The following GRM8 variants were observed in gnomAD, a reference collection of about 807,000 sequenced individuals.
The protein encoded by GRM8 is glutamate metabotropic receptor 8.
In GRM8, 47 loss-of-function variants were observed where a neutral mutation model predicts 87.2. The ratio of observed to expected loss-of-function variants is 0.54; its 90% CI spans 0.43 to 0.69. The LOEUF (loss-of-function observed/expected upper bound fraction) is 0.69. Among genes scored for constraint, GRM8 ranks in the 30% least tolerant of loss-of-function variants. The pLI is 0.00. For synonymous variants in GRM8, 396 were observed against 404.5 expected, an observed-to-expected ratio of 0.98 and a Z score of 0.25; for missense variants, 1,019 against 1,139.2, an observed-to-expected ratio of 0.89 and a Z score of 1.52.
At chr7:126,734,633 A>G (rs1263586739) in intron 7 of GRM8, among the ~76,000 whole-genome samples, 1 of 151,932 alleles carries the variant, frequency 6.6e-6, no homozygotes, top group African/African-American at 2.4e-5. Context: ...CATAACTTAC[A>G]ACACAAAATG....
intron 7 of GRM8, among the ~76,000 whole-genome samples, chr7:126,749,370 G>GA (rs370817590): frequency 1.3e-5 from 2 of 150,440 alleles, no homozygotes; most frequent in Non-Finnish European, 1.5e-5. Context: ...AAGAAACAAT[G>GA]AAAAAAAAAT....
intron 3 of GRM8, among the ~76,000 whole-genome samples, chr7:127,075,267 A>G (rs1224379192): frequency 1.3e-5 from 2 of 152,190 alleles, no homozygotes; most frequent in East Asian, 1.9e-4. Context: ...ATCACAGGTA[A>G]CAAATAGTGT....
intron 8 of GRM8, among the ~76,000 whole-genome samples, chr7:126,578,154 A>G (rs1206022618): frequency 6.6e-6 from 1 of 152,194 alleles, no homozygotes. Flanking sequence ...ATAAAAAGCA[A>G]TACCCATCAT....
chr7:126,553,830 C>T (rs1182362013), intron 8 of GRM8, among the ~76,000 whole-genome samples: 1 of 152,056 alleles, frequency 6.6e-6, no homozygotes, highest in Non-Finnish European at 1.5e-5. Context: ...TCAATGATAG[C>T]TTATCAATCA....
chr7:126,515,780 C>T (rs1188919987), intron 9 of GRM8, among the ~76,000 whole-genome samples: 1 of 152,070 alleles, frequency 6.6e-6, no homozygotes, highest in East Asian at 1.9e-4. Context: ...TGAGACACAA[C>T]CGGATAATTT....
At chr7:127,110,008 C>A (rs1041039191) in intron 2 of GRM8, among the ~76,000 whole-genome samples, 1 of 152,036 alleles carries the variant, frequency 6.6e-6, no homozygotes, top group African/African-American at 2.4e-5. Context: ...GGGCGAGGGG[C>A]GACAGAAAGA....
intron 9 of GRM8, among the ~76,000 whole-genome samples, chr7:126,509,772 T>G (rs894392442): frequency 6.6e-5 from 10 of 151,978 alleles, no homozygotes; most frequent in African/African-American, 2.2e-4. Flanking sequence ...CCTAGACATT[T>G]AGGAGAAAAT....
intron 3 of GRM8, among the ~76,000 whole-genome samples, chr7:127,021,847 T>C (rs1405103392): frequency 6.6e-6 from 1 of 152,128 alleles, no homozygotes; most frequent in African/African-American, 2.4e-5. Context: ...TTAGAAAGGA[T>C]ACTAGAAAAT....
intron 2 of GRM8, among the ~76,000 whole-genome samples, chr7:127,126,484 G>A (rs1368015539): frequency 1.3e-5 from 2 of 151,924 alleles, no homozygotes; most frequent in Non-Finnish European, 2.9e-5. Context: ...GTTGGGAAGA[G>A]AAATGGGGTG....
rs151042867 is a variant in GRM8 at position 127,121,626 on chromosome 7, G to A, written c.511-14914C>T. On this transcript the variant is annotated intron_variant, in intron 2 of 10. Transcript: ENST00000339582. ...CACAGTTCTGCAGGCTGTACAGGAAGGATGGCTGGGAGGCCTCAGGAAACT... is the reference window on the plus strand; with the variant it reads ...CACAGTTCTGCAGGCTGTACAGGAAAGATGGCTGGGAGGCCTCAGGAAACT... Among the ~76,000 whole-genome samples the A allele has an allele frequency of 3.8e-3, 580 of 152,310 alleles. 4 individuals carry two copies. Among genetic ancestry groups the A allele is most frequent in the African/African-American group, 0.013 (539 of 41,570 alleles).
At chr7:127,193,998 C>T (rs980928407) in intron 2 of GRM8, among the ~76,000 whole-genome samples, 3 of 152,162 alleles carry the variant, frequency 2.0e-5, no homozygotes, top group Non-Finnish European at 4.4e-5. Context: ...ATGAGCCACC[C>T]CTACTGGTGA....
intron 7 of GRM8, 60 bp downstream of exon 7, chr7:126,769,805 G>C (rs1305708072): frequency 7.4e-6 from 8 of 1,085,754 alleles, no homozygotes; most frequent in Non-Finnish European, 1.1e-5. Flanking sequence ...TCTATATATA[G>C]GAGGAAAAAC....
intron 9 of GRM8, among the ~76,000 whole-genome samples, chr7:126,515,435 C>T (rs1444576832): frequency 6.6e-6 from 1 of 151,994 alleles, no homozygotes; most frequent in Non-Finnish European, 1.5e-5. Context: ...CAATAATGTA[C>T]ACAGTATTTA....
At chr7:126,807,651 C>T (rs1414515973) in intron 6 of GRM8, among the ~76,000 whole-genome samples, 2 of 152,040 alleles carry the variant, frequency 1.3e-5, no homozygotes, top group African/African-American at 2.4e-5. Context: ...TGTCTGGACT[C>T]CCTACATTTT....
chr7:126,561,252 C>T (rs1336490593), intron 8 of GRM8, among the ~76,000 whole-genome samples: 1 of 152,150 alleles, frequency 6.6e-6, no homozygotes, highest in African/African-American at 2.4e-5. Flanking sequence ...GTGGGCGGAT[C>T]ACGAGGTCAG....
At chr7:126,899,919 T>C (rs1452493195) in intron 6 of GRM8, among the ~76,000 whole-genome samples, 1 of 152,056 alleles carries the variant, frequency 6.6e-6, no homozygotes, top group Non-Finnish European at 1.5e-5. Context: ...GGCACACCCT[T>C]ATCTCTCAGC....
chr7:127,227,497 G>T (rs566245215), intron 2 of GRM8, among the ~76,000 whole-genome samples: 28 of 152,312 alleles, frequency 1.8e-4, no homozygotes, highest in Middle Eastern at 6.8e-3. Flanking sequence ...TCTAGAGCTT[G>T]ATCTCATGTG....
intron 8 of GRM8, among the ~76,000 whole-genome samples, chr7:126,565,759 G>T (rs2150971391): frequency 6.6e-6 from 1 of 152,142 alleles, no homozygotes; most frequent in Non-Finnish European, 1.5e-5. Context: ...CACAGCAGGA[G>T]GCATCTCCCT....
intron 7 of GRM8, among the ~76,000 whole-genome samples, chr7:126,755,702 G>C (rs1816928443): frequency 1.3e-5 from 2 of 151,720 alleles, no homozygotes; most frequent in Admixed American, 6.6e-5. Flanking sequence ...GATGTTTTTA[G>C]TACTTTGGAA....
Sources: allele counts gnomAD v4.1 joint callset (sites outside exome capture counted in the v4.1 genomes callset), GRCh38; gene constraint gnomAD v4.1.1; transcripts MANE v1.5; gene names NCBI Gene and HGNC (gene_info 2026-07-23, HGNC 2026-07-21).